Variants in ERCC4 observed in about 807,000 individuals in gnomAD.
The protein encoded by ERCC4 is DNA repair endonuclease XPF.
ERCC4 carries 65 observed loss-of-function variants against 76.9 expected under a neutral mutation model. The observed-to-expected ratio is 0.84, with a 90% confidence interval of 0.69 to 1.04. The LOEUF is 1.04. Among genes scored for constraint, ERCC4 ranks in the 50% least tolerant of loss-of-function variants. The probability of loss-of-function intolerance (pLI) is 0.00; values close to 1 mark genes in which losing one functional copy is unlikely to be tolerated. For synonymous variants in ERCC4, 463 were observed against 410.1 expected, an observed-to-expected ratio of 1.13 and a Z score of -1.56; for missense variants, 1,214 against 1,128.2, an observed-to-expected ratio of 1.08 and a Z score of -1.09.
At position 13,920,312 on chromosome 16, in the gene ERCC4, C is replaced by G; in HGVS notation, c.147C>G (p.Leu49=). The G allele has an allele frequency of 6.2e-7, 1 of 1,602,316 alleles. No individual in the cohort carries two copies. Among genetic ancestry groups the G allele is most frequent in the South Asian group, 1.1e-5 (1 of 90,916 alleles). ...CGGACCGGCTCCTCTACCACTTTCT[C>G]CAGCTGCACTGCCACCCAGCCTGCC... ...LGADRLLYHF[L]QLHCHPACLV... is the part of the protein sequence containing the mutation. Residue 49 remains leucine, a synonymous_variant, in exon 1 of 11, where the codon CTC becomes CTG. Coordinates refer to ENST00000311895, the MANE Select transcript of ERCC4 (RefSeq NM_005236.3).
rs2032614808 is a variant in ERCC4, at chr16:13,950,733, C to A, written c.*2386C>A. 1 of 193,346 alleles carries A rather than the reference C, an allele frequency of 5.2e-6. No individual in the cohort carries two copies. The highest frequency in any genetic ancestry group is 1.9e-4 in the South Asian group (1 of 5,176). 12.0% of individuals were successfully genotyped at this position (193,346 alleles called of 1,614,324 possible). On this transcript the variant is annotated 3_prime_UTR_variant, in exon 11 of 11. Transcript: ENST00000311895. Reference sequence around the variant, plus strand: ...TCTATTTTTTTCCTCTTGTATAATTCCACTTGCTTTTAATTGTTGTTTCAT... The same window carrying A: ...TCTATTTTTTTCCTCTTGTATAATTACACTTGCTTTTAATTGTTGTTTCAT...
chr16:13,935,757 A>C lies in ERCC4; in HGVS notation c.1811+14A>C. On this transcript the variant is annotated intron_variant, in intron 8 of 10. Transcript: ENST00000311895. ...GAAACCTCTGAGGCAAGTTATAAAG[A>C]ATCACAGCTTTCAGTTGCACAGTTC... is the stretch of plus-strand genomic sequence containing the variant. The C allele has an allele frequency of 6.4e-7, 1 of 1,570,608 alleles. No homozygotes were observed. Among genetic ancestry groups the C allele is most frequent in the Non-Finnish European group, 8.8e-7 (1 of 1,140,400 alleles).
chr16:13,922,065 T>G lies in ERCC4; in HGVS notation c.242T>G (p.Val81Gly). 6.2e-7 allele frequency: 1 copy of G among 1,613,758 alleles called. No individual in the cohort carries two copies. The highest frequency in any genetic ancestry group is 8.5e-7 in the Non-Finnish European group (1 of 1,179,784). The change falls in exon 2 of 11, where the codon GTT becomes GGT. Residue 81 changes from valine to glycine, a missense_variant. Coordinates refer to ENST00000311895, the MANE Select transcript of ERCC4 (RefSeq NM_005236.3). ...ATCAATCAGCTGAAGATAGAAGGAG[T>G]TGAACACCTCCCTCGCCGTGTAACA... ...YFINQLKIEGVEHLPRRVTNE... is the reference protein window; with the variant it reads ...YFINQLKIEGGEHLPRRVTNE...
At position 13,947,820 on chromosome 16, in the gene ERCC4, T is replaced by C; in HGVS notation, c.2224T>C (p.Tyr742His). Residue 742 changes from tyrosine (Y) to histidine (H), a missense_variant, in exon 11 of 11, where the codon TAC becomes CAC. Coordinates refer to ENST00000311895, the MANE Select transcript of ERCC4 (RefSeq NM_005236.3). ...LIGSLNNGRLYSQCISMSRYY... is the reference protein window; with the variant it reads ...LIGSLNNGRLHSQCISMSRYY... ...CGGCTCTTTAAATAACGGCCGCCTC[T>C]ACAGCCAGTGCATCTCCATGTCCCG... The C allele has an allele frequency of 6.2e-7, 1 of 1,614,244 alleles. No individual in the cohort carries two copies. The highest frequency in any genetic ancestry group is 8.5e-7 in the Non-Finnish European group (1 of 1,180,048).
At chr16:13,944,510 AT>A (rs1479621849) in intron 9 of ERCC4, among the ~76,000 whole-genome samples, 1 of 151,672 alleles carries the variant, frequency 6.6e-6, no homozygotes, top group African/African-American at 2.4e-5. Context: ...AAGAAGTAGT[AT>A]CCGACCAAGG....
chr16:13,935,632 C>A lies in ERCC4; in HGVS notation c.1700C>A (p.Thr567Lys), dbSNP rs1157170232. The A allele has an allele frequency of 6.2e-7, 1 of 1,614,020 alleles. No homozygotes were observed. Among genetic ancestry groups the A allele is most frequent in the South Asian group, 1.1e-5 (1 of 91,070 alleles). Residue 567 changes from threonine (T) to lysine (K), a missense_variant, in exon 8 of 11, where the codon ACA becomes AAA. Physicochemically the swap from Thr to Lys is moderately conservative, Grantham distance 78. Transcript: ENST00000311895. ...GGTTGCAGCGACCCCTATGCTCTGA[C>A]AAGGGTACTACATGAAGTGGAGCCA... The part of the protein sequence containing the change: ...LLGCSDPYAL[T>K]RVLHEVEPRY...
intron 6 of ERCC4, chr16:13,933,066 A>AC: frequency 2.5e-6 from 1 of 407,452 alleles, no homozygotes; most frequent in Non-Finnish European, 4.8e-6. Flanking sequence ...AAAAAAAAAA[A>AC]ACACAAAAAC....
chr16:13,937,905 C>T, intron 9 of ERCC4, 47 bp downstream of exon 9: 2 of 1,168,490 alleles, frequency 1.7e-6, no homozygotes, highest in Non-Finnish European at 2.6e-6. Context: ...CATTGGAAAC[C>T]TCTGGATGGG....
chr16:13,941,989 C>T (rs921075103), intron 9 of ERCC4, among the ~76,000 whole-genome samples: 2 of 152,076 alleles, frequency 1.3e-5, no homozygotes, highest in Admixed American at 6.5e-5. Flanking sequence ...AAGGCCAAGG[C>T]GAGAGGATCA....
chr16:13,943,987 G>T (rs541778471), intron 9 of ERCC4: 3 of 152,440 alleles, frequency 2.0e-5, no homozygotes, highest in South Asian at 4.1e-4. Flanking sequence ...TACCGTATAA[G>T]ATATGAGCCA....
intron 2 of ERCC4, among the ~76,000 whole-genome samples, chr16:13,923,325 T>C (rs1466800940): frequency 6.6e-6 from 1 of 152,204 alleles, no homozygotes; most frequent in Non-Finnish European, 1.5e-5. Flanking sequence ...TGGTACATGG[T>C]AGGCACTAAA....
intron 1 of ERCC4, among the ~76,000 whole-genome samples, chr16:13,921,638 C>T (rs2031978593): frequency 6.6e-6 from 1 of 152,166 alleles, no homozygotes; most frequent in South Asian, 2.1e-4. Context: ...TAGTCTAAAA[C>T]ATTGTCTGGG....
rs756811179 is a variant in ERCC4 at position 13,944,794 on chromosome 16, G to A, written c.1976G>A (p.Gly659Asp). 21 of 1,613,756 alleles carry A rather than the reference G, an allele frequency of 1.3e-5. No individual in the cohort carries two copies. The highest frequency in any genetic ancestry group is 1.8e-5 in the Non-Finnish European group (21 of 1,179,754). The change falls in exon 10 of 11, where the codon GGC becomes GAC. Residue 659 changes from glycine to aspartate, a missense_variant. Gly to Asp is a moderately conservative substitution (Grantham distance 94). Transcript: ENST00000311895. Reference sequence around the variant, plus strand: ...GAAACAAACTTAGACCTAGTAAGAGGCACAGCATCTGCAGATGTTTCCACT... The same window carrying A: ...GAAACAAACTTAGACCTAGTAAGAGACACAGCATCTGCAGATGTTTCCACT... The part of the protein sequence containing the change: ...RDETNLDLVR[G>D]TASADVSTDT...
intron 2 of ERCC4, chr16:13,922,420 C>G: frequency 2.6e-6 from 2 of 760,410 alleles, no homozygotes; most frequent in Admixed American, 1.7e-5. Flanking sequence ...TTCACAAGAT[C>G]GATTCCTGAC....
chr16:13,937,956 A>G, intron 9 of ERCC4, 98 bp downstream of exon 9: 2 of 797,576 alleles, frequency 2.5e-6, no homozygotes, highest in Non-Finnish European at 4.4e-6. Flanking sequence ...TAGGGCAAGG[A>G]AGACGTTGGA....
In ERCC4 at chr16:13,938,771, A is replaced by G. The variant is rs531403402; in HGVS notation, c.1904+913A>G. Among the ~76,000 whole-genome samples, 9 of 152,300 alleles carry G rather than the reference A, an allele frequency of 5.9e-5. No individual in the cohort carries two copies. In the South Asian group the frequency reaches 1.4e-3, roughly 25 times the overall value. On this transcript the variant is annotated intron_variant, in intron 9 of 10. Transcript: ENST00000311895. ...CGAGGACTGCCAAGACCCTAGGCCA[A>G]ATTTCAAAATGGATAACCATTCTGC...
In ERCC4 at chr16:13,930,773, C is replaced by T. The variant is rs750971687; in HGVS notation, c.856C>T (p.Gln286Ter). ...QLGAKTKSLV[Q>*]DLKILRTLLQ... Reference sequence around the variant, plus strand: ...TGGAGCCAAGACTAAATCCTTAGTTCAGGATTTGAAGATATTACGAACTTT... The same window carrying T: ...TGGAGCCAAGACTAAATCCTTAGTTTAGGATTTGAAGATATTACGAACTTT... The change falls in exon 5 of 11, where the codon CAG becomes TAG. Residue 286 changes from glutamine to a stop codon, truncating the protein, a stop_gained. Coordinates refer to ENST00000311895, the MANE Select transcript of ERCC4 (RefSeq NM_005236.3). LOFTEE classifies it high-confidence loss of function. 2 of 1,610,734 alleles carry T rather than the reference C, an allele frequency of 1.2e-6. No individual in the cohort carries two copies. Among genetic ancestry groups the T allele is most frequent in the South Asian group, 1.1e-5 (1 of 91,000 alleles).
rs565715127 is a variant in ERCC4, at chr16:13,922,178, T to C, written c.355T>C (p.Leu119=). Residue 119 remains leucine, a synonymous_variant, in exon 2 of 11, where the codon TTG becomes CTG. Transcript: ENST00000311895. Reference sequence around the variant, plus strand: ...AAGTAGGATACTTGTGGTTGACTTCTTGACTGATAGAATACCTTCAGATTT... The same window carrying C: ...AAGTAGGATACTTGTGGTTGACTTCCTGACTGATAGAATACCTTCAGATTT... ...ATSRILVVDF[L]TDRIPSDLIT... The C allele has an allele frequency of 1.4e-5, 23 of 1,612,390 alleles. No homozygotes were observed. Among genetic ancestry groups the C allele is most frequent in the Non-Finnish European group, 1.9e-5 (22 of 1,178,532 alleles).
chr16:13,926,820 T>C, intron 3 of ERCC4, 64 bp downstream of exon 3: 4 of 1,261,294 alleles, frequency 3.2e-6, no homozygotes, highest in Non-Finnish European at 4.6e-6. Context: ...TGAGATCTAC[T>C]GTAACTTAGT....
Sources: allele counts gnomAD v4.1 joint callset (sites outside exome capture counted in the v4.1 genomes callset), GRCh38; gene constraint gnomAD v4.1.1; transcripts MANE v1.5; gene names NCBI Gene and HGNC (gene_info 2026-07-23, HGNC 2026-07-21).